The following MYPN variants were observed in gnomAD, a reference collection of about 807,000 sequenced individuals.
MYPN encodes the protein sarcomeric protein myopalladin, 145 kDa (MYOP).
Under a neutral mutation model 129.4 loss-of-function variants are expected in MYPN, and 63 were observed. The ratio of observed to expected loss-of-function variants is 0.49; its 90% CI spans 0.40 to 0.60. MYPN has a LOEUF of 0.60. MYPN is among the 20% of genes least tolerant of loss of function. The probability of loss-of-function intolerance (pLI) is 0.00; values close to 1 mark genes in which losing one functional copy is unlikely to be tolerated. For synonymous variants in MYPN, 629 were observed against 600.9 expected (o/e 1.05, Z -0.68); for missense variants, 1,596 against 1,635.4 (o/e 0.98, Z 0.42).
intron 2 of MYPN, among the ~76,000 whole-genome samples, chr10:68,137,862 T>G (rs2042511204): frequency 6.6e-6 from 1 of 152,202 alleles, no homozygotes; most frequent in Non-Finnish European, 1.5e-5. Context: ...ATTTGTTCTT[T>G]CAAGTTGAAA....
Position 68,121,903 on chromosome 10 carries a change from C to A in MYPN, c.465C>A (p.Ala155=), listed in dbSNP as rs142867001. 1.8e-5 allele frequency: 29 copies of A among 1,614,152 alleles called. No individual in the cohort carries two copies. In the South Asian group the frequency reaches 3.1e-4, roughly 17 times the overall value. The change falls in exon 2 of 20, where the codon GCC becomes GCA. Residue 155 remains alanine, a synonymous_variant. Transcript: ENST00000358913. ...QSKKVFLNKA[A]DFIEELSSLF... is the part of the protein sequence containing the mutation. ...AAAAAGTATTTTTAAATAAGGCTGC[C>A]GACTTCATTGAAGAGCTATCCTCCC...
chr10:68,202,441 G>T (rs1039644165), intron 18 of MYPN, among the ~76,000 whole-genome samples: 2 of 146,912 alleles, frequency 1.4e-5, no homozygotes, highest in East Asian at 2.0e-4. Context: ...TCAAAAAAAA[G>T]AAAAAAAAAA....
In MYPN at chr10:68,166,525, C is replaced by T; in HGVS notation, c.1832C>T (p.Ala611Val). Reference protein sequence around the residue: ...NLPEDDKGSEASSEAGVVTTR... With the variant: ...NLPEDDKGSEVSSEAGVVTTR... Reference sequence around the variant, plus strand: ...CCTGAAGATGACAAAGGAAGTGAAGCATCCTCCGAGGCTGGTGTGGTGACC... The same window carrying T: ...CCTGAAGATGACAAAGGAAGTGAAGTATCCTCCGAGGCTGGTGTGGTGACC... Residue 611 changes from alanine to valine, a missense_variant, in exon 10 of 20, where the codon GCA becomes GTA. Physicochemically the swap from Ala to Val is moderately conservative, Grantham distance 64. Coordinates refer to ENST00000358913, the MANE Select transcript of MYPN (RefSeq NM_032578.4). 1.2e-6 allele frequency: 2 copies of T among 1,614,150 alleles called. No individual in the cohort carries two copies. The highest frequency in any genetic ancestry group is 1.6e-4 in the Middle Eastern group (1 of 6,062).
At chr10:68,092,940 T>G (rs1207384072) in intron 1 of MYPN, among the ~76,000 whole-genome samples, 1 of 152,222 alleles carries the variant, frequency 6.6e-6, no homozygotes, top group Admixed American at 6.5e-5. Flanking sequence ...CTTGGATCAG[T>G]GGTTTCCAAC....
intron 1 of MYPN, among the ~76,000 whole-genome samples, chr10:68,118,271 A>G (rs1050998438): frequency 1.3e-5 from 2 of 152,206 alleles, no homozygotes; most frequent in African/African-American, 4.8e-5. Flanking sequence ...CATCAGTTGA[A>G]TACCCATTAT....
chr10:68,180,745 T>A (rs1433003101), intron 12 of MYPN, among the ~76,000 whole-genome samples: 1 of 152,174 alleles, frequency 6.6e-6, no homozygotes, highest in Non-Finnish European at 1.5e-5. Flanking sequence ...TCATGGCCCA[T>A]ACCTCAGCAG....
At chr10:68,097,464 A>T (rs1159188755) in intron 1 of MYPN, among the ~76,000 whole-genome samples, 1 of 152,204 alleles carries the variant, frequency 6.6e-6, no homozygotes, top group African/African-American at 2.4e-5. Flanking sequence ...GAACTAAAAG[A>T]TGTTTATTTA....
intron 3 of MYPN, among the ~76,000 whole-genome samples, chr10:68,143,960 G>A (rs1288499197): frequency 2.0e-5 from 3 of 152,122 alleles, no homozygotes; most frequent in Non-Finnish European, 4.4e-5. Flanking sequence ...TCACCATGTT[G>A]GCCAGGCTGT....
At chr10:68,116,397 A>G (rs2042157637) in intron 1 of MYPN, among the ~76,000 whole-genome samples, 2 of 152,226 alleles carry the variant, frequency 1.3e-5, no homozygotes, top group Non-Finnish European at 2.9e-5. Flanking sequence ...TATTTGACAG[A>G]TGAGGTTAAC....
At chr10:68,107,614 G>A (rs948738711), upstream of MYPN, among the ~76,000 whole-genome samples, 6 of 151,824 alleles carry the variant, frequency 4.0e-5, no homozygotes, top group Admixed American at 6.6e-5. Context: ...ACCTCCCAAA[G>A]TGCTAGGATT....
chr10:68,169,181 T>TAAAAAAAAAAAAAAAA (rs59317396), intron 10 of MYPN, among the ~76,000 whole-genome samples: 1 of 91,072 alleles, frequency 1.1e-5, no homozygotes, highest in African/African-American at 6.7e-5. Context: ...CCGTCTCTAC[T>TAAAAAAAAAAAAAAAA]AAAAAAAAAA....
chr10:68,165,773 A>G lies in MYPN; in HGVS notation c.1555A>G (p.Asn519Asp), dbSNP rs768901494. 2.5e-6 allele frequency: 4 copies of G among 1,614,100 alleles called. No individual in the cohort carries two copies. The Admixed American group carries it at 6.7e-5, about 27-fold the overall frequency. Residue 519 changes from asparagine to aspartate, a missense_variant, in exon 9 of 20, where the codon AAC (asparagine) becomes GAC (aspartate). Asn to Asp is a conservative substitution (Grantham distance 23). Coordinates refer to ENST00000358913, the MANE Select transcript of MYPN (RefSeq NM_032578.4). ...TGGGTGCTTCACATGTACTGCAAGCAACAAATACGGCACAGTGTCAAGCAT... is the reference window on the plus strand; with the variant it reads ...TGGGTGCTTCACATGTACTGCAAGCGACAAATACGGCACAGTGTCAAGCAT... Reference protein sequence around the residue: ...DSGCFTCTASNKYGTVSSIAQ... With the variant: ...DSGCFTCTASDKYGTVSSIAQ...
chr10:68,171,649 T>G (rs1454292344), intron 10 of MYPN, among the ~76,000 whole-genome samples: 1 of 152,348 alleles, frequency 6.6e-6, no homozygotes, highest in African/African-American at 2.4e-5. Flanking sequence ...GGTTCATTTG[T>G]CTTTTACAGT....
chr10:68,191,728 T>A (rs1012746304), intron 13 of MYPN, among the ~76,000 whole-genome samples: 4 of 152,248 alleles, frequency 2.6e-5, no homozygotes, highest in African/African-American at 9.6e-5. Flanking sequence ...ACTTCTTTGG[T>A]TAAATTTATT....
At position 68,206,856 on chromosome 10, in the gene MYPN, A is replaced by G. The variant is rs761994728; in HGVS notation, c.3746A>G (p.Lys1249Arg). ...GCTGGATGGTACACGTTGTCAGCCA[A>G]GAATGAAGCCGGCATCGTGTCGTGC... ...SDAGWYTLSA[K>R]NEAGIVSCTA... The change falls in exon 19 of 20, where the codon AAG becomes AGG. Residue 1249 changes from lysine (K) to arginine (R), a missense_variant. Lys to Arg is a conservative substitution (Grantham distance 26). Transcript: ENST00000358913. 4 of 1,614,128 alleles carry G rather than the reference A, an allele frequency of 2.5e-6. No individual in the cohort carries two copies.
At chr10:68,181,022 T>C (rs2043305625) in intron 12 of MYPN, among the ~76,000 whole-genome samples, 1 of 152,246 alleles carries the variant, frequency 6.6e-6, no homozygotes. Context: ...TGCAATTCAT[T>C]AGCCTAGAGA....
At chr10:68,194,256 T>G in intron 13 of MYPN, 107 bp from the exon 14 acceptor site, 2 of 1,176,226 alleles carry the variant, frequency 1.7e-6, no homozygotes, top group Non-Finnish European at 2.5e-6. Context: ...TCATAAAGTA[T>G]GGTCACTTAA....
At chr10:68,190,621 C>G in intron 13 of MYPN, among the ~76,000 whole-genome samples, 1 of 152,156 alleles carries the variant, frequency 6.6e-6, no homozygotes, top group Non-Finnish European at 1.5e-5. Context: ...AATATTTTCT[C>G]CCATTCTGTA....
chr10:68,105,291 T>G (rs964304591), upstream of MYPN, among the ~76,000 whole-genome samples: 1 of 152,204 alleles, frequency 6.6e-6, no homozygotes, highest in Admixed American at 6.5e-5. Context: ...AGTACCTACT[T>G]CATAGACGTT....
Sources: allele counts gnomAD v4.1 joint callset (sites outside exome capture counted in the v4.1 genomes callset), GRCh38; gene constraint gnomAD v4.1.1; transcripts MANE v1.5; gene names NCBI Gene and HGNC (gene_info 2026-07-23, HGNC 2026-07-21).